PCDH9: variants seen among roughly 807,000 people sequenced by gnomAD.
The protein encoded by PCDH9 is protocadherin-9.
A neutral mutation model predicts 70.6 loss-of-function variants in PCDH9; 24 were observed. The observed-to-expected ratio is 0.34, with a 90% CI of 0.25 to 0.48. PCDH9 has a LOEUF of 0.48. Ranked by LOEUF, PCDH9 falls within the 20% of genes least tolerant of loss-of-function variation. The pLI is 0.99. For synonymous variants in PCDH9, 562 were observed against 558.5 expected (o/e 1.01, Z -0.09); for missense variants, 1,281 against 1,503.6 (o/e 0.85, Z 2.45).
chr13:67,015,602 C>T (rs1277555352), intron 2 of PCDH9, among the ~76,000 whole-genome samples: 1 of 152,086 alleles, frequency 6.6e-6, no homozygotes, highest in Non-Finnish European at 1.5e-5. Flanking sequence ...TTGCTTACCA[C>T]CATCACAATT....
chr13:66,408,912 G>A (rs1275262536), intron 4 of PCDH9, among the ~76,000 whole-genome samples: 3 of 152,140 alleles, frequency 2.0e-5, no homozygotes, highest in African/African-American at 7.2e-5. Flanking sequence ...GACATATAAG[G>A]ACAAAAATCT....
intron 2 of PCDH9, among the ~76,000 whole-genome samples, chr13:66,943,675 A>G (rs1433994319): frequency 6.6e-6 from 1 of 152,044 alleles, no homozygotes; most frequent in African/African-American, 2.4e-5. Context: ...CTCTATAACC[A>G]AAGGATATGT....
intron 3 of PCDH9, among the ~76,000 whole-genome samples, chr13:66,671,550 A>T (rs932147431): frequency 6.6e-6 from 1 of 152,218 alleles, no homozygotes; most frequent in African/African-American, 2.4e-5. Flanking sequence ...AATGAAGTCC[A>T]GGCTGAGGTG....
At position 66,304,852 on chromosome 13, in the gene PCDH9, G is replaced by T. The variant is rs773016933; in HGVS notation, c.3517C>A (p.Leu1173Ile). The stretch of plus-strand genomic sequence containing the variant: ...CTGGTCAGGGTGTGCCCATTCACAA[G>T]CTTGTCCTTCTTCACCCATTCTTTC... The part of the protein sequence containing the change: ...PQKEWVKKDK[L>I]VNGHTLTRAW... The change falls in exon 5 of 5, where the codon CTT becomes ATT. Residue 1173 changes from leucine (L) to isoleucine (I), a missense_variant. Physicochemically the swap from Leu to Ile is conservative, Grantham distance 5 (BLOSUM62 2). Transcript: ENST00000377865. 2.5e-6 allele frequency: 4 copies of T among 1,613,424 alleles called. No individual in the cohort carries two copies. The highest frequency in any genetic ancestry group is 1.3e-5 in the African/African-American group (1 of 74,858).
intron 3 of PCDH9, among the ~76,000 whole-genome samples, chr13:66,770,410 AGT>A (rs1240732763): frequency 2.0e-5 from 3 of 150,666 alleles, no homozygotes; most frequent in African/African-American, 7.3e-5. Flanking sequence ...TGTAGGTTTT[AGT>A]AGTATGCCCA....
At chr13:66,849,367 G>T (rs759191825) in intron 3 of PCDH9, among the ~76,000 whole-genome samples, 1 of 151,564 alleles carries the variant, frequency 6.6e-6, no homozygotes, top group African/African-American at 2.4e-5. Flanking sequence ...ATCTACCCAG[G>T]TGTCCTATGG....
intron 4 of PCDH9, among the ~76,000 whole-genome samples, chr13:66,531,627 C>T (rs1459068510): frequency 6.6e-6 from 1 of 152,022 alleles, no homozygotes; most frequent in African/African-American, 2.4e-5. Context: ...ATTGATTATG[C>T]TTTGAACTAC....
At chr13:66,848,100 C>T (rs1214666056) in intron 3 of PCDH9, among the ~76,000 whole-genome samples, 1 of 152,138 alleles carries the variant, frequency 6.6e-6, no homozygotes, top group Non-Finnish European at 1.5e-5. Flanking sequence ...TTCAGCGTAT[C>T]TCCTATATCC....
chr13:67,018,326 T>C (rs1403884467), intron 2 of PCDH9, among the ~76,000 whole-genome samples: 7 of 152,038 alleles, frequency 4.6e-5, no homozygotes, highest in Non-Finnish European at 1.0e-4. Flanking sequence ...ATAAAATATA[T>C]GACTTAAGAT....
intron 3 of PCDH9, among the ~76,000 whole-genome samples, chr13:66,864,502 T>C (rs2081538045): frequency 6.6e-6 from 1 of 152,210 alleles, no homozygotes; most frequent in Non-Finnish European, 1.5e-5. Context: ...GATGTGATTG[T>C]GGATGATTTA....
At chr13:66,610,540 C>T (rs996568530) in intron 4 of PCDH9, among the ~76,000 whole-genome samples, 2 of 152,090 alleles carry the variant, frequency 1.3e-5, no homozygotes, top group African/African-American at 2.4e-5. Flanking sequence ...TGCTGCTTGT[C>T]GCTTATGTCA....
At chr13:67,112,707 C>T (rs2086681572) in intron 2 of PCDH9, among the ~76,000 whole-genome samples, 1 of 149,340 alleles carries the variant, frequency 6.7e-6, no homozygotes, top group African/African-American at 2.5e-5. Flanking sequence ...TCCTCCCTTT[C>T]CGCCTTCCTT....
chr13:66,658,737 T>G (rs543721379), intron 3 of PCDH9, among the ~76,000 whole-genome samples: 158 of 152,282 alleles, frequency 1.0e-3, no homozygotes, highest in African/African-American at 3.5e-3. Context: ...TAATGGTATA[T>G]AAAATGATGA....
At chr13:67,175,205 G>A (rs1038772631) in intron 2 of PCDH9, among the ~76,000 whole-genome samples, 1 of 152,122 alleles carries the variant, frequency 6.6e-6, no homozygotes, top group African/African-American at 2.4e-5. Context: ...TTATTCCTGA[G>A]AGACTTATGA....
rs770125986 is a variant in PCDH9 at position 66,304,616 on chromosome 13, A to G, written c.*39T>C. The G allele has an allele frequency of 1.3e-6, 2 of 1,547,096 alleles. No homozygotes were observed. The highest frequency in any genetic ancestry group is 2.7e-5 in the African/African-American group (2 of 73,466). The stretch of plus-strand genomic sequence containing the variant: ...AAGCTCTGACGCACACGGTATTAGC[A>G]TGTCTATTTAAAGTTATTAGGTCCC... On this transcript the variant is annotated 3_prime_UTR_variant, in exon 5 of 5. Transcript: ENST00000377865.
At chr13:66,455,503 G>C (rs1260437751) in intron 4 of PCDH9, among the ~76,000 whole-genome samples, 1 of 151,874 alleles carries the variant, frequency 6.6e-6, no homozygotes, top group Non-Finnish European at 1.5e-5. Context: ...ATCACTCTTG[G>C]AACATTTTAG....
At chr13:66,670,805 G>C (rs867858068) in intron 3 of PCDH9, among the ~76,000 whole-genome samples, 1 of 150,514 alleles carries the variant, frequency 6.6e-6, no homozygotes, top group South Asian at 2.1e-4. Flanking sequence ...CTAAGCCCGA[G>C]TATCTGTAGA....
chr13:66,324,275 C>A (rs1955804210), intron 4 of PCDH9, among the ~76,000 whole-genome samples: 1 of 151,936 alleles, frequency 6.6e-6, no homozygotes, highest in African/African-American at 2.4e-5. Context: ...CTGCCATCTG[C>A]TCCCCTTCAC....
At chr13:66,539,149 TTC>T in intron 4 of PCDH9, among the ~76,000 whole-genome samples, 1 of 152,208 alleles carries the variant, frequency 6.6e-6, no homozygotes, top group Admixed American at 6.5e-5. Flanking sequence ...ATTAAAATTT[TTC>T]TCTCTCTTGA....
Sources: allele counts gnomAD v4.1 joint callset (sites outside exome capture counted in the v4.1 genomes callset), GRCh38; gene constraint gnomAD v4.1.1; transcripts MANE v1.5; gene names NCBI Gene and HGNC (gene_info 2026-07-23, HGNC 2026-07-21).